PLCH1: variants seen among roughly 807,000 people sequenced by gnomAD.
PLCH1 encodes the protein phospholipase C eta 1, also known as 1-phosphatidylinositol 4,5-bisphosphate phosphodiesterase eta-1.
A neutral mutation model predicts 126.7 loss-of-function variants in PLCH1; 60 were observed. The ratio of observed to expected loss-of-function variants is 0.47; its 90% confidence interval spans 0.38 to 0.59. The LOEUF (loss-of-function observed/expected upper bound fraction) is 0.59. PLCH1 is among the 20% of genes least tolerant of loss of function. The pLI is 0.00. For synonymous variants in PLCH1, 719 were observed against 734.9 expected (o/e 0.98, Z 0.35); for missense variants, 1,723 against 2,040.0 (o/e 0.84, Z 2.99).
chr3:155,542,526 G>T lies in PLCH1; in HGVS notation c.1362+7261C>A, dbSNP rs1325911661. Among the ~76,000 whole-genome samples the T allele has an allele frequency of 8.5e-5, 13 of 152,262 alleles. No individual in the cohort carries two copies. The East Asian group carries it at 2.5e-3, about 29-fold the overall frequency. On this transcript the variant is annotated intron_variant, in intron 10 of 22. Transcript: ENST00000460012. ...AATGTCCCCGTCTGACAGCTTTGAA[G>T]AGAGCAGTGGTTCTCCCAGCACGCA...
chr3:155,681,268 T>C (rs1052247304), intron 2 of PLCH1, among the ~76,000 whole-genome samples: 1 of 152,206 alleles, frequency 6.6e-6, no homozygotes, highest in South Asian at 2.1e-4. Flanking sequence ...TAATATAATA[T>C]GGAAAACTTG....
chr3:155,689,803 A>C (rs1240511562), intron 2 of PLCH1, among the ~76,000 whole-genome samples: 1 of 152,124 alleles, frequency 6.6e-6, no homozygotes, highest in African/African-American at 2.4e-5. Flanking sequence ...TCAAAAGGGC[A>C]AATCTAAAAG....
intron 10 of PLCH1, among the ~76,000 whole-genome samples, chr3:155,534,768 C>T (rs1205579680): frequency 6.6e-6 from 1 of 152,134 alleles, no homozygotes; most frequent in Non-Finnish European, 1.5e-5. Flanking sequence ...ATGCTGTTCT[C>T]ATGATAGTGA....
intron 2 of PLCH1, among the ~76,000 whole-genome samples, chr3:155,700,765 A>G (rs954654017): frequency 6.6e-6 from 1 of 152,248 alleles, no homozygotes; most frequent in Non-Finnish European, 1.5e-5. Context: ...TCAGAAAAAA[A>G]AATACTGCAA....
intron 4 of PLCH1, among the ~76,000 whole-genome samples, chr3:155,588,230 G>GC (rs1461389067): frequency 6.6e-6 from 1 of 151,952 alleles, no homozygotes; most frequent in African/African-American, 2.4e-5. Flanking sequence ...AAAATAACTA[G>GC]CCCAGCTCTT....
At chr3:155,479,301 A>C (rs1479287275), downstream of PLCH1, among the ~76,000 whole-genome samples, 1 of 152,176 alleles carries the variant, frequency 6.6e-6, no homozygotes, top group Non-Finnish European at 1.5e-5. Flanking sequence ...GAAAACAAAA[A>C]TGCCTTGGGC....
At position 155,500,596 on chromosome 3, in the gene PLCH1, T is replaced by A. The variant is rs898825397; in HGVS notation, c.1796+107A>T. 10 of 719,848 alleles carry A rather than the reference T, an allele frequency of 1.4e-5. No homozygotes were observed. The African/African-American group carries it at 1.6e-4, about 12-fold the overall frequency. 44.6% of individuals were successfully genotyped at this position (719,848 alleles called of 1,614,324 possible). A position where few individuals can be genotyped will look rare whatever the true frequency, so the allele number is the denominator to read the frequency against. On this transcript the variant is annotated intron_variant, in intron 14 of 22. Transcript: ENST00000460012. Reference sequence around the variant, plus strand: ...TCACATGTTCGACAGCACAGAATACTTTCCTTGTGATCCAATTCTCTAGAC... The same window carrying A: ...TCACATGTTCGACAGCACAGAATACATTCCTTGTGATCCAATTCTCTAGAC...
rs1206656727 is a variant in PLCH1 at position 155,554,212 on chromosome 3, C to G, written c.1070-16G>C. The G allele has an allele frequency of 6.2e-7, 1 of 1,609,492 alleles. No individual in the cohort carries two copies. The highest frequency in any genetic ancestry group is 2.2e-5 in the East Asian group (1 of 44,710). ...CAACAGTCAACTGCCAAAAACAGAA[C>G]TTTATATCAACAACCCAAAGTCTCT... On this transcript the variant is annotated splice_polypyrimidine_tract_variant and intron_variant, in intron 8 of 22. Transcript: ENST00000460012.
chr3:155,493,685 C>G (rs1446149280), intron 17 of PLCH1, among the ~76,000 whole-genome samples: 1 of 152,204 alleles, frequency 6.6e-6, no homozygotes, highest in African/African-American at 2.4e-5. Flanking sequence ...CATGCCCAGC[C>G]TATCCTTTCT....
chr3:155,511,700 T>C (rs1719535219), intron 12 of PLCH1, among the ~76,000 whole-genome samples: 1 of 142,084 alleles, frequency 7.0e-6, no homozygotes, highest in Non-Finnish European at 1.5e-5. Flanking sequence ...GAGGAGGCAG[T>C]CTGCCCGTTC....
intron 2 of PLCH1, among the ~76,000 whole-genome samples, chr3:155,695,223 T>C (rs926157836): frequency 2.0e-5 from 3 of 152,232 alleles, no homozygotes; most frequent in African/African-American, 7.2e-5. Context: ...GAAATTACTT[T>C]AAGAAATTAT....
At chr3:155,687,935 TC>T (rs1745080485) in intron 2 of PLCH1, among the ~76,000 whole-genome samples, 1 of 152,226 alleles carries the variant, frequency 6.6e-6, no homozygotes, top group Admixed American at 6.5e-5. Context: ...TCCTTTGGAT[TC>T]ACAGAGTCAA....
At chr3:155,504,311 TTTGGATATATTA>T (rs144897859) in intron 13 of PLCH1, among the ~76,000 whole-genome samples, 2,411 of 152,322 alleles carry the variant, frequency 0.016, 66 homozygotes, top group African/African-American at 0.055. Context: ...AATACAGTTT[TTTGGATATATTA>T]TTGGATATAT....
intron 11 of PLCH1, among the ~76,000 whole-genome samples, chr3:155,519,110 A>G (rs563999976): frequency 6.6e-6 from 1 of 152,334 alleles, no homozygotes; most frequent in East Asian, 1.9e-4. Context: ...TGTGTGGCTG[A>G]GGTTTCATTA....
chr3:155,650,204 A>G (rs769075667), intron 2 of PLCH1, among the ~76,000 whole-genome samples: 1 of 152,190 alleles, frequency 6.6e-6, no homozygotes, highest in Non-Finnish European at 1.5e-5. Context: ...CAACAGTCCT[A>G]TGAGATGTGA....
chr3:155,635,172 A>G lies in PLCH1; in HGVS notation c.80-38794T>C, dbSNP rs115282607. On this transcript the variant is annotated intron_variant, in intron 2 of 22. Coordinates refer to ENST00000460012, the MANE Select transcript of PLCH1 (RefSeq NM_014996.4). The stretch of plus-strand genomic sequence containing the variant: ...AAAAAAACTAAAATCTCTCAGCTCT[A>G]TTGCCAGCTACACTCACTCATATGA... Among the ~76,000 whole-genome samples, 633 of 151,834 alleles carry G rather than the reference A, an allele frequency of 4.2e-3. 5 individuals are homozygous for G. Among genetic ancestry groups the G allele is most frequent in the Middle Eastern group, 0.017 (5 of 290 alleles).
Position 155,481,204 on chromosome 3 carries a change from TAAG to T in PLCH1, c.4819_4821del (p.Leu1607del). ...GGGGTGGGTGCTGAGGGTTTGTTTC[TAAG>T]AACCACTCCTGCCCCATTGCTGGGG... is the stretch of plus-strand genomic sequence containing the variant. On this transcript the variant is annotated inframe_deletion, in exon 23 of 23. Transcript: ENST00000460012. The surrounding 1 kb of genome is among the most constrained non-coding windows in gnomAD (Gnocchi z 4.2). 1 of 1,614,244 alleles carries T rather than the reference TAAG, an allele frequency of 6.2e-7. No homozygotes were observed.
intron 2 of PLCH1, among the ~76,000 whole-genome samples, chr3:155,620,829 C>T (rs1189003419): frequency 1.4e-5 from 2 of 146,436 alleles, no homozygotes; most frequent in South Asian, 2.2e-4. Flanking sequence ...CAGCTGTGGG[C>T]GCAGCTTCAG....
chr3:155,559,596 C>A (rs1419991285), intron 8 of PLCH1, among the ~76,000 whole-genome samples: 7 of 152,110 alleles, frequency 4.6e-5, no homozygotes, highest in African/African-American at 1.7e-4. Context: ...ATAATAAGAA[C>A]TTTAAGCCAA....
Sources: allele counts gnomAD v4.1 joint callset (sites outside exome capture counted in the v4.1 genomes callset), GRCh38; gene constraint gnomAD v4.1.1; non-coding constraint Gnocchi (gnomAD v3.1); transcripts MANE v1.5; gene names NCBI Gene and HGNC (gene_info 2026-07-23, HGNC 2026-07-21).